BPIFC: variants seen among roughly 807,000 people sequenced by gnomAD.
BPIFC encodes the protein BPI fold-containing family C protein.
BPIFC carries 60 observed loss-of-function variants against 57.6 expected under a neutral mutation model. The observed-to-expected ratio is 1.04, with a 90% CI of 0.85 to 1.29. The LOEUF is 1.29. Among genes scored for constraint, BPIFC ranks in the 50% most tolerant of loss-of-function variants. BPIFC has a pLI of 0.00. For synonymous variants in BPIFC, 243 were observed against 224.5 expected, an observed-to-expected ratio of 1.08 and a Z score of -0.74; for missense variants, 581 against 600.5, an observed-to-expected ratio of 0.97 and a Z score of 0.34.
chr22:32,429,917 G>A lies in BPIFC; in HGVS notation c.1217+1430C>T, dbSNP rs760982776. Among the ~76,000 whole-genome samples the A allele has an allele frequency of 9.9e-5, 15 of 152,224 alleles. 1 individual carries two copies. The highest frequency in any genetic ancestry group is 3.4e-4 in the African/African-American group (14 of 41,542). On this transcript the variant is annotated intron_variant, in intron 13 of 16. Transcript: ENST00000300399. ...TCAGATCTTTTCTGACTCTGCTTAC[G>A]TCTGTTTCATTGCTTCCTTTTCTTC...
chr22:32,443,309 G>A (rs1254251082), intron 7 of BPIFC, among the ~76,000 whole-genome samples: 2 of 152,100 alleles, frequency 1.3e-5, no homozygotes, highest in Non-Finnish European at 2.9e-5. Flanking sequence ...GACTACAGGC[G>A]CTCGCCACTA....
chr22:32,416,038 GT>G, intron 15 of BPIFC, 47 bp from the exon 16 acceptor site: 1 of 1,216,154 alleles, frequency 8.2e-7, no homozygotes, highest in Non-Finnish European at 1.1e-6. Context: ...AAGCACAGAG[GT>G]TTTAGCAAGC....
In BPIFC at chr22:32,437,867, A is replaced by G. The variant is rs1317548993; in HGVS notation, c.656-16T>C. The G allele has an allele frequency of 2.0e-6, 3 of 1,495,636 alleles. No individual in the cohort carries two copies. Among genetic ancestry groups the G allele is most frequent in the Non-Finnish European group, 2.8e-6 (3 of 1,076,164 alleles). 92.6% of individuals were successfully genotyped at this position (1,495,636 alleles called of 1,614,324 possible). On this transcript the variant is annotated splice_polypyrimidine_tract_variant and intron_variant, in intron 8 of 16. Coordinates refer to ENST00000300399, the MANE Select transcript of BPIFC (RefSeq NM_174932.3). ...TTGGTTAAAACTAAATAACCAACAA[A>G]GAAAAAAGAAAATCCATATTCATTA...
rs553857767 is a variant in BPIFC at position 32,414,404 on chromosome 22, C to T, written c.1423G>A (p.Asp475Asn). 69 of 1,613,546 alleles carry T rather than the reference C, an allele frequency of 4.3e-5. No homozygotes were observed. The highest frequency in any genetic ancestry group is 7.7e-5 in the South Asian group (7 of 91,000). Residue 475 changes from aspartate (D) to asparagine (N), a missense_variant, in exon 17 of 17, where the codon GAC (aspartate) becomes AAC (asparagine). Asp to Asn is a conservative substitution (Grantham distance 23). Coordinates refer to ENST00000300399, the MANE Select transcript of BPIFC (RefSeq NM_174932.3). ...TTTGAGGATGTTTCATACTTCAGGT[C>T]GGTGGAAATCAAAAGGAAACCCTGG... is the stretch of plus-strand genomic sequence containing the variant. ...VLEGFLLISTDLKYETSSKQQ... is the reference protein window; with the variant it reads ...VLEGFLLISTNLKYETSSKQQ...
chr22:32,424,728 C>CTT (rs1933995467), intron 13 of BPIFC, among the ~76,000 whole-genome samples: 9 of 84,246 alleles, frequency 1.1e-4, no homozygotes, highest in African/African-American at 4.2e-4. Flanking sequence ...TCTTCTTCTT[C>CTT]CTCTTCTTCT....
intron 13 of BPIFC, among the ~76,000 whole-genome samples, chr22:32,427,473 C>T (rs866129993): frequency 6.6e-6 from 1 of 152,308 alleles, no homozygotes; most frequent in Middle Eastern, 3.4e-3. Flanking sequence ...CCTCAGTTAG[C>T]AGCCCTGCCC....
chr22:32,443,458 C>T (rs530841920), intron 7 of BPIFC, among the ~76,000 whole-genome samples: 17 of 152,302 alleles, frequency 1.1e-4, no homozygotes, highest in East Asian at 7.7e-4. Flanking sequence ...CCACCGCGCC[C>T]GGCCCCAGAG....
At chr22:32,422,552 C>CA (rs1226258310) in intron 13 of BPIFC, among the ~76,000 whole-genome samples, 4 of 151,976 alleles carry the variant, frequency 2.6e-5, no homozygotes, top group South Asian at 2.1e-4. Context: ...ACTAAAATTA[C>CA]AAAAATTAGC....
At chr22:32,462,809 A>AC (rs1368685644) in intron 1 of BPIFC, among the ~76,000 whole-genome samples, 8 of 152,134 alleles carry the variant, frequency 5.3e-5, no homozygotes, top group Non-Finnish European at 2.9e-5. Context: ...GTTGCTTGAC[A>AC]CCATTTTCCT....
chr22:32,435,658 G>A (rs558631958), intron 10 of BPIFC, 46 bp downstream of exon 10: 49 of 1,565,264 alleles, frequency 3.1e-5, no homozygotes, highest in East Asian at 1.3e-4. Flanking sequence ...CTTATAAAAA[G>A]GCTGAATGAT....
At chr22:32,428,628 G>T (rs1410806838) in intron 13 of BPIFC, among the ~76,000 whole-genome samples, 1 of 152,006 alleles carries the variant, frequency 6.6e-6, no homozygotes, top group Non-Finnish European at 1.5e-5. Context: ...TCTGGGCATG[G>T]TGGCTCACGC....
chr22:32,458,599 A>G (rs1935095687), intron 2 of BPIFC, among the ~76,000 whole-genome samples: 1 of 152,236 alleles, frequency 6.6e-6, no homozygotes, highest in South Asian at 2.1e-4. Context: ...TGACTGGCAC[A>G]CAGCAGGCAT....
rs371512718 is a variant in BPIFC at position 32,461,865 on chromosome 22, G to A, written c.-88-204C>T. Among the ~76,000 whole-genome samples, 211 of 152,294 alleles carry A rather than the reference G, an allele frequency of 1.4e-3. 7 individuals are homozygous for A. The South Asian group carries it at 0.04, about 29-fold the overall frequency. On this transcript the variant is annotated intron_variant, in intron 1 of 16. Coordinates refer to ENST00000300399, the MANE Select transcript of BPIFC (RefSeq NM_174932.3). ...GTTATGCCAAGACAGGCATTAGAGA[G>A]ATTTTTGTTTTAAAAGAGCAAAAAT... is the stretch of plus-strand genomic sequence containing the variant.
intron 3 of BPIFC, among the ~76,000 whole-genome samples, chr22:32,455,314 G>A (rs147861449): frequency 3.1e-3 from 474 of 152,102 alleles, no homozygotes; most frequent in Non-Finnish European, 4.3e-3. Context: ...CTCCCAAAGC[G>A]TTGGGATTAC....
rs1302173562 is a variant in BPIFC, at chr22:32,435,737, A to G, written c.891T>C (p.Ala297=). Residue 297 remains alanine, a synonymous_variant, in exon 10 of 17, where the codon GCT becomes GCC. Transcript: ENST00000300399. ...FKSASFAHFT[A]GVFNVTLSTE... is the part of the protein sequence containing the mutation. ...TGGAGAGAGTGACATTGAAAACCCCAGCTGTGAAATGAGCAAAGGACGCAG... is the reference window on the plus strand; with the variant it reads ...TGGAGAGAGTGACATTGAAAACCCCGGCTGTGAAATGAGCAAAGGACGCAG... 6.2e-7 allele frequency: 1 copy of G among 1,614,170 alleles called. No individual in the cohort carries two copies. The highest frequency in any genetic ancestry group is 1.3e-5 in the African/African-American group (1 of 75,064).
At chr22:32,443,817 G>A (rs1385450406) in intron 7 of BPIFC, among the ~76,000 whole-genome samples, 2 of 151,050 alleles carry the variant, frequency 1.3e-5, no homozygotes, top group African/African-American at 5.0e-5. Context: ...AGTAATCCAT[G>A]TAAACTTGCC....
chr22:32,439,807 A>G (rs1243104052), intron 8 of BPIFC, among the ~76,000 whole-genome samples: 1 of 151,982 alleles, frequency 6.6e-6, no homozygotes, highest in Non-Finnish European at 1.5e-5. Flanking sequence ...TAGAGACAGC[A>G]TTTCACCCTG....
At position 32,449,055 on chromosome 22, in the gene BPIFC, G is replaced by A. The variant is rs1373360952; in HGVS notation, c.246-1715C>T. Among the ~76,000 whole-genome samples, 7 of 152,296 alleles carry A rather than the reference G, an allele frequency of 4.6e-5. No homozygotes were observed. In the East Asian group the frequency reaches 1.3e-3, roughly 29 times the overall value. On this transcript the variant is annotated intron_variant, in intron 4 of 16. Transcript: ENST00000300399. ...AACTCTCACAGTAATCCTATGAGGT[G>A]GTTGCTGTTTTTGCAATCCCCATTT...
chr22:32,419,848 C>CACAAA (rs1933792067), intron 13 of BPIFC, among the ~76,000 whole-genome samples: 1 of 148,270 alleles, frequency 6.7e-6, no homozygotes, highest in African/African-American at 2.5e-5. Flanking sequence ...AACACACACA[C>CACAAA]ACAAATAAAA....
Sources: allele counts gnomAD v4.1 joint callset (sites outside exome capture counted in the v4.1 genomes callset), GRCh38; gene constraint gnomAD v4.1.1; transcripts MANE v1.5; gene names NCBI Gene and HGNC (gene_info 2026-07-23, HGNC 2026-07-21).